The following LARGE1 variants were observed in gnomAD, a reference collection of about 807,000 sequenced individuals.
LARGE1 encodes xylosyl- and glucuronyltransferase LARGE1.
Under a neutral mutation model 87.6 loss-of-function variants are expected in LARGE1, and 43 were observed. That is an observed-to-expected ratio of 0.49 (90% CI 0.38 to 0.63). The LOEUF is 0.63. Among genes scored for constraint, LARGE1 ranks in the 30% least tolerant of loss-of-function variants. The probability of loss-of-function intolerance (pLI) is 0.00; values close to 1 mark genes in which losing one functional copy is unlikely to be tolerated. For missense variants in LARGE1, 802 were observed against 1,000.2 expected, an observed-to-expected ratio of 0.80 and a Z score of 2.67; for synonymous variants, 434 against 394.6, an observed-to-expected ratio of 1.10 and a Z score of -1.18.
intron 2 of LARGE1, among the ~76,000 whole-genome samples, chr22:33,759,466 C>T (rs568864592): frequency 6.6e-6 from 1 of 152,158 alleles, no homozygotes; most frequent in Non-Finnish European, 1.5e-5. Flanking sequence ...TGCCTCATCC[C>T]CCCCATCTGT....
intron 1 of LARGE1, chr22:33,889,181 G>A (rs1171881287): frequency 7.8e-6 from 1 of 128,608 alleles, no homozygotes; most frequent in African/African-American, 2.5e-5. Flanking sequence ...TTAATTTCGT[G>A]AGCTTTTTCT....
intron 4 of LARGE1, 92 bp downstream of exon 4, chr22:33,626,151 GA>G: frequency 2.0e-6 from 2 of 1,012,340 alleles, no homozygotes; most frequent in Non-Finnish European, 3.1e-6. Flanking sequence ...AATGATTGAT[GA>G]GAAATTTTGC....
At chr22:33,535,489 G>A (rs2077015611) in intron 6 of LARGE1, among the ~76,000 whole-genome samples, 1 of 151,844 alleles carries the variant, frequency 6.6e-6, no homozygotes, top group Non-Finnish European at 1.5e-5. Context: ...GAAGCAGTGA[G>A]CTGAGATCGC....
In LARGE1 at chr22:33,263,315, C is replaced by A. The variant is rs117190944; in HGVS notation, c.1730+40914G>T. Among the ~76,000 whole-genome samples the A allele has an allele frequency of 8.6e-3, 1,316 of 152,310 alleles. 12 individuals carry two copies. Among genetic ancestry groups the A allele is most frequent in the Middle Eastern group, 0.02 (6 of 294 alleles). On this transcript the variant is annotated intron_variant, in intron 11 of 11. Transcript: ENST00000608642. ...TATATAATCTCTCTGTGAAGATGAG[C>A]AGGACCTGGGAATACGATGGGATAT...
chr22:33,281,668 G>C (rs2145876462), intron 13 of LARGE1, among the ~76,000 whole-genome samples: 1 of 152,294 alleles, frequency 6.6e-6, no homozygotes, highest in South Asian at 2.1e-4. Context: ...CAGAAAAGAA[G>C]GAAGGCTTGG....
chr22:33,313,357 T>C (rs1935811559), intron 11 of LARGE1, among the ~76,000 whole-genome samples: 1 of 152,166 alleles, frequency 6.6e-6, no homozygotes, highest in Non-Finnish European at 1.5e-5. Context: ...CTCCACTTCC[T>C]TGGGCTCTCA....
At chr22:33,171,979 G>A (rs1019881178) in intron 11 of LARGE1, among the ~76,000 whole-genome samples, 2 of 152,206 alleles carry the variant, frequency 1.3e-5, no homozygotes, top group Admixed American at 1.3e-4. Context: ...GCATCCACAG[G>A]GGCTGTACCC....
At chr22:33,254,683 C>A (rs891263766) in intron 11 of LARGE1, among the ~76,000 whole-genome samples, 1 of 152,156 alleles carries the variant, frequency 6.6e-6, no homozygotes, top group Non-Finnish European at 1.5e-5. Context: ...ATAGAACCTG[C>A]CTCACTGGGT....
At chr22:33,268,555 G>A (rs1261249298), downstream of LARGE1, among the ~76,000 whole-genome samples, 1 of 150,754 alleles carries the variant, frequency 6.6e-6, no homozygotes, top group Non-Finnish European at 1.5e-5. Context: ...AGCCTCCCAA[G>A]TAGCTGGGAC....
intron 5 of LARGE1, among the ~76,000 whole-genome samples, chr22:33,570,359 G>A (rs1049727808): frequency 1.3e-5 from 2 of 152,120 alleles, no homozygotes; most frequent in African/African-American, 4.8e-5. Flanking sequence ...GAATGCAGAT[G>A]GTTTTGTCAG....
At chr22:33,515,112 T>A (rs2071238141) in intron 6 of LARGE1, among the ~76,000 whole-genome samples, 1 of 148,934 alleles carries the variant, frequency 6.7e-6, no homozygotes. Context: ...TTTCAGCAGG[T>A]GTAGCTAAAA....
At chr22:33,569,428 C>T (rs2078127999) in intron 5 of LARGE1, among the ~76,000 whole-genome samples, 1 of 152,176 alleles carries the variant, frequency 6.6e-6, no homozygotes, top group South Asian at 2.1e-4. Context: ...GAATGTCACT[C>T]CAAGTCCCCA....
At chr22:33,549,745 G>A (rs184464844) in intron 6 of LARGE1, among the ~76,000 whole-genome samples, 2 of 152,318 alleles carry the variant, frequency 1.3e-5, no homozygotes, top group Admixed American at 1.3e-4. Flanking sequence ...TGGACTATGA[G>A]TTATGAACTG....
chr22:33,268,159 G>C, downstream of LARGE1, among the ~76,000 whole-genome samples: 1 of 150,774 alleles, frequency 6.6e-6, no homozygotes. Context: ...TCACCATGTT[G>C]GCCAGGCTGG....
intron 11 of LARGE1, among the ~76,000 whole-genome samples, chr22:33,204,511 T>C (rs964563233): frequency 1.3e-5 from 2 of 152,166 alleles, no homozygotes; most frequent in Non-Finnish European, 2.9e-5. Context: ...ACCTCCACTC[T>C]CCCTGATTCT....
chr22:33,082,997 C>A, the LARGE1 span, among the ~76,000 whole-genome samples: 1 of 151,970 alleles, frequency 6.6e-6, no homozygotes, highest in Non-Finnish European at 1.5e-5. Context: ...TGCACTCCAG[C>A]CTGGGTGACA....
chr22:33,218,073 G>C lies in LARGE1; in HGVS notation c.1731-51241C>G, dbSNP rs562497764. 2.5e-4 allele frequency among the ~76,000 whole-genome samples: 38 copies of C among 152,106 alleles called. 1 individual carries two copies. Among genetic ancestry groups the C allele is most frequent in the African/African-American group, 7.5e-4 (31 of 41,482 alleles). On this transcript the variant is annotated intron_variant, in intron 11 of 11. Transcript: ENST00000608642. ...GCCTCCCAAGCAGCTGGGATTACAG[G>C]TGCCTGCCACCATGCCCAGCTAATC...
chr22:33,351,454 A>G (rs1940367690), intron 9 of LARGE1, among the ~76,000 whole-genome samples: 1 of 152,238 alleles, frequency 6.6e-6, no homozygotes, highest in Non-Finnish European at 1.5e-5. Context: ...ATATTATTTT[A>G]TAATTACTAA....
At chr22:33,406,322 C>T (rs1295704239) in intron 7 of LARGE1, among the ~76,000 whole-genome samples, 5 of 152,152 alleles carry the variant, frequency 3.3e-5, no homozygotes, top group African/African-American at 7.2e-5. Context: ...CAACATTCTG[C>T]GCAGTCCCAT....
Sources: allele counts gnomAD v4.1 joint callset (sites outside exome capture counted in the v4.1 genomes callset), GRCh38; gene constraint gnomAD v4.1.1; transcripts MANE v1.5; gene names NCBI Gene and HGNC (gene_info 2026-07-23, HGNC 2026-07-21).